Variants in FAM177A1 observed in about 807,000 individuals in gnomAD.
The protein encoded by FAM177A1 is protein FAM177A1.
Under a neutral mutation model 26.1 loss-of-function variants are expected in FAM177A1, and 22 were observed. The observed-to-expected ratio is 0.84, with a 90% confidence interval of 0.60 to 1.20. The LOEUF (loss-of-function observed/expected upper bound fraction) is 1.20, where lower values mean the gene tolerates loss of function less well. Ranked by LOEUF, FAM177A1 falls within the 50% of genes most tolerant of loss-of-function variation. The pLI, the probability that FAM177A1 is intolerant of heterozygous loss-of-function variation, is 0.00. For synonymous variants in FAM177A1, 95 were observed against 99.3 expected (o/e 0.96, Z 0.26); for missense variants, 296 against 291.1 (o/e 1.02, Z -0.12).
chr14:35,049,149 C>G (rs749710201), intron 1 of FAM177A1, among the ~76,000 whole-genome samples: 1 of 152,078 alleles, frequency 6.6e-6, no homozygotes, highest in African/African-American at 2.4e-5. Context: ...GCCTTGGCCT[C>G]CCAAAGTGCT....
rs986036055 is a variant in FAM177A1 at position 35,056,872 on chromosome 14, T to G, written c.339+3421T>G. Among the ~76,000 whole-genome samples, 6 of 152,216 alleles carry G rather than the reference T, an allele frequency of 3.9e-5. 1 individual carries two copies. The South Asian group carries it at 1.2e-3, about 31-fold the overall frequency. On this transcript the variant is annotated intron_variant, in intron 2 of 4. Transcript: ENST00000280987. ...TTGTTGGCATACAGTAGTATTTCAT[T>G]ATGATTCTTTTTATTTTTCATAAGG...
At chr14:35,057,530 C>T (rs1303461322) in intron 2 of FAM177A1, among the ~76,000 whole-genome samples, 1 of 152,040 alleles carries the variant, frequency 6.6e-6, no homozygotes, top group Non-Finnish European at 1.5e-5. Flanking sequence ...CAGGTGCACG[C>T]CACCATGCCA....
In FAM177A1 at chr14:35,077,133, A is replaced by G. The variant is rs2045408093; in HGVS notation, c.340-17A>G. 1 of 1,605,896 alleles carries G rather than the reference A, an allele frequency of 6.2e-7. No individual in the cohort carries two copies. The highest frequency in any genetic ancestry group is 8.5e-7 in the Non-Finnish European group (1 of 1,172,644). On this transcript the variant is annotated splice_polypyrimidine_tract_variant and intron_variant, in intron 2 of 4. Transcript: ENST00000280987. ...GAATTTAGGTATGAATGTTGCTAAC[A>G]TGATTTCTTGTTGCAGACAAAACTT...
chr14:35,063,898 A>C (rs1478893336), intron 2 of FAM177A1, among the ~76,000 whole-genome samples: 1 of 150,688 alleles, frequency 6.6e-6, no homozygotes. Context: ...AAATACAAAA[A>C]TTAGCTGGGC....
rs189379695 is a variant in FAM177A1 at position 35,071,383 on chromosome 14, G to A, written c.340-5767G>A. Among the ~76,000 whole-genome samples, 587 of 152,248 alleles carry A rather than the reference G, an allele frequency of 3.9e-3. 6 individuals carry two copies. Among genetic ancestry groups the A allele is most frequent in the Middle Eastern group, 0.024 (7 of 294 alleles). ...TTGTTTTAATAAGAAAAGGTAGTAGGTCTTAATAGGGAAGGAAGAGATACT... is the reference window on the plus strand; with the variant it reads ...TTGTTTTAATAAGAAAAGGTAGTAGATCTTAATAGGGAAGGAAGAGATACT... On this transcript the variant is annotated intron_variant, in intron 2 of 4. Coordinates refer to ENST00000280987, the MANE Select transcript of FAM177A1 (RefSeq NM_173607.5).
intron 2 of FAM177A1, among the ~76,000 whole-genome samples, chr14:35,075,450 A>G (rs1227374676): frequency 6.6e-6 from 1 of 152,230 alleles, no homozygotes; most frequent in Non-Finnish European, 1.5e-5. Flanking sequence ...AAATTAACTC[A>G]AGATGGATTA....
rs2045004739 is a variant in FAM177A1, at chr14:35,053,274, A to G, written c.166-4A>G. On this transcript the variant is annotated splice_region_variant and splice_polypyrimidine_tract_variant and intron_variant, in intron 1 of 4. Coordinates refer to ENST00000280987, the MANE Select transcript of FAM177A1 (RefSeq NM_173607.5). Reference sequence around the variant, plus strand: ...CTCATTTTCTTAAAATATCGTTGATATAGATGAGTAACGAAAGAGGCTTTG... The same window carrying G: ...CTCATTTTCTTAAAATATCGTTGATGTAGATGAGTAACGAAAGAGGCTTTG... 6.2e-7 allele frequency: 1 copy of G among 1,606,008 alleles called. No individual in the cohort carries two copies. Among genetic ancestry groups the G allele is most frequent in the Non-Finnish European group, 8.5e-7 (1 of 1,177,852 alleles).
At position 35,082,183 on chromosome 14, in the gene FAM177A1, C is replaced by T. The variant is rs896198457; in HGVS notation, c.*955C>T. 1.3e-5 allele frequency: 2 copies of T among 152,100 alleles called. No individual in the cohort carries two copies. The highest frequency in any genetic ancestry group is 2.4e-5 in the African/African-American group (1 of 41,416). The allele number at this position is 152,100 out of a possible 1,614,324, so 9.4% of individuals were successfully genotyped here. A position where few individuals can be genotyped will look rare whatever the true frequency, so the allele number is the denominator to read the frequency against. ...TCTACCTACTTGGTTATTTGTAAAC[C>T]TTACAAATGTATATATTGTGAAGCT... is the stretch of plus-strand genomic sequence containing the variant. On this transcript the variant is annotated 3_prime_UTR_variant, in exon 5 of 5. Coordinates refer to ENST00000280987, the MANE Select transcript of FAM177A1 (RefSeq NM_173607.5).
chr14:35,061,090 T>C (rs2045146240), intron 2 of FAM177A1, among the ~76,000 whole-genome samples: 1 of 152,226 alleles, frequency 6.6e-6, no homozygotes, highest in South Asian at 2.1e-4. Flanking sequence ...AAAAACAGTA[T>C]AGGGTTCAGT....
chr14:35,076,363 G>A (rs1595057544), intron 2 of FAM177A1, among the ~76,000 whole-genome samples: 1 of 151,500 alleles, frequency 6.6e-6, no homozygotes, highest in Non-Finnish European at 1.5e-5. Flanking sequence ...AACACCGCAT[G>A]TTCTCACTCT....
intron 1 of FAM177A1, chr14:35,046,857 G>C: frequency 1.5e-6 from 2 of 1,340,056 alleles, no homozygotes; most frequent in Non-Finnish European, 1.9e-6. Flanking sequence ...CTCTGGGGCG[G>C]CCTCGGGTTC....
At chr14:35,051,245 G>A (rs1595036520) in intron 1 of FAM177A1, among the ~76,000 whole-genome samples, 1 of 151,610 alleles carries the variant, frequency 6.6e-6, no homozygotes, top group East Asian at 1.9e-4. Flanking sequence ...TCAGCTTCCC[G>A]AGTAGCTGGG....
intron 1 of FAM177A1, among the ~76,000 whole-genome samples, chr14:35,052,513 C>G (rs1037886743): frequency 2.6e-5 from 4 of 151,994 alleles, no homozygotes; most frequent in African/African-American, 7.2e-5. Flanking sequence ...GGCCCAACTT[C>G]AGGCAGTTTT....
At chr14:35,057,876 G>A (rs559184809) in intron 2 of FAM177A1, among the ~76,000 whole-genome samples, 8 of 151,882 alleles carry the variant, frequency 5.3e-5, no homozygotes, top group Non-Finnish European at 5.9e-5. Context: ...ATGTATTGAC[G>A]TTTGTTTTAT....
intron 1 of FAM177A1, among the ~76,000 whole-genome samples, chr14:35,048,952 A>G (rs1375102347): frequency 6.7e-6 from 1 of 149,158 alleles, no homozygotes; most frequent in Non-Finnish European, 1.5e-5. Flanking sequence ...GTGCAGTGGC[A>G]TGATCTTGGC....
At chr14:35,073,657 T>C (rs908475835) in intron 2 of FAM177A1, among the ~76,000 whole-genome samples, 1 of 152,224 alleles carries the variant, frequency 6.6e-6, no homozygotes, top group Non-Finnish European at 1.5e-5. Context: ...TCTTGTTGTC[T>C]AGGCCTTGAC....
rs766102553 is a variant in FAM177A1 at position 35,077,155 on chromosome 14, A to T, written c.345A>T (p.Lys115Asn). The change falls in exon 3 of 5, where the codon AAA becomes AAT. Residue 115 changes from lysine to asparagine, a missense_variant. Lys to Asn is a moderately conservative substitution (Grantham distance 94). Transcript: ENST00000280987. ...AACATGATTTCTTGTTGCAGACAAA[A>T]CTTACCTGGGGTCCCTACTTATGGT... ...KDVLPTVDPT[K>N]LTWGPYLWFY... 3.1e-6 allele frequency: 5 copies of T among 1,613,592 alleles called. No homozygotes were observed. The Admixed American group carries it at 8.3e-5, about 27-fold the overall frequency.
At chr14:35,073,382 A>G (rs1387889413) in intron 2 of FAM177A1, among the ~76,000 whole-genome samples, 2 of 152,174 alleles carry the variant, frequency 1.3e-5, no homozygotes, top group East Asian at 1.9e-4. Flanking sequence ...GTTCTCTTCT[A>G]TGGCATCAAC....
rs1438941869 is a variant in FAM177A1, at chr14:35,081,014, T to C, written c.505-8T>C. 6.3e-7 allele frequency: 1 copy of C among 1,597,196 alleles called. No homozygotes were observed. The highest frequency in any genetic ancestry group is 8.5e-7 in the Non-Finnish European group (1 of 1,172,134). ...TCAACTATTCTTGATATTGCTCCTT[T>C]TTTTTAGGAAGAAGAAGAAGAAGAA... On this transcript the variant is annotated splice_polypyrimidine_tract_variant and splice_region_variant and intron_variant, in intron 4 of 4. Coordinates refer to ENST00000280987, the MANE Select transcript of FAM177A1 (RefSeq NM_173607.5).
Sources: allele counts gnomAD v4.1 joint callset (sites outside exome capture counted in the v4.1 genomes callset), GRCh38; gene constraint gnomAD v4.1.1; transcripts MANE v1.5; gene names NCBI Gene and HGNC (gene_info 2026-07-23, HGNC 2026-07-21).